The following MYOF variants were observed in gnomAD, a reference collection of about 807,000 sequenced individuals.
MYOF encodes the protein myoferlin.
A neutral mutation model predicts 284.2 loss-of-function variants in MYOF; 244 were observed. That is an observed-to-expected ratio of 0.86 (90% CI 0.77 to 0.95). The LOEUF is 0.95. Ranked by LOEUF, MYOF falls within the 40% of genes least tolerant of loss-of-function variation. The probability of loss-of-function intolerance (pLI) is 0.00; values close to 1 mark genes in which losing one functional copy is unlikely to be tolerated. For missense variants in MYOF, 2,496 were observed against 2,560.6 expected (o/e 0.97, Z 0.54); for synonymous variants, 904 against 919.7 (o/e 0.98, Z 0.31).
At chr10:93,350,040 C>T (rs1207436221) in intron 35 of MYOF, 71 bp from the exon 36 acceptor site, 1 of 1,448,104 alleles carries the variant, frequency 6.9e-7, no homozygotes, top group Admixed American at 2.1e-5. Context: ...AGGAAAAATT[C>T]TGTCTTAATT....
intron 26 of MYOF, 80 bp from the exon 27 acceptor site, chr10:93,364,155 A>C (rs1373480007): frequency 8.5e-7 from 1 of 1,182,500 alleles, no homozygotes; most frequent in Non-Finnish European, 1.2e-6. Flanking sequence ...CTCAGGAAGC[A>C]TCTACACCCT....
Position 93,373,056 on chromosome 10 carries a change from G to T in MYOF, c.2331C>A (p.Ile777=). The T allele has an allele frequency of 1.1e-5, 18 of 1,614,190 alleles. No individual in the cohort carries two copies. Among genetic ancestry groups the T allele is most frequent in the Non-Finnish European group, 1.5e-5 (18 of 1,180,018 alleles). The change falls in exon 24 of 54, where the codon ATC becomes ATA. Residue 777 remains isoleucine (I), a synonymous_variant. Transcript: ENST00000359263. ...EPQNSMPDII[I]WMIRGEKRLA... ...GTCTCTTCTCTCCCCGGATCATCCAGATGATGATGTCAGGCATGCTGTTCT... is the reference window on the plus strand; with the variant it reads ...GTCTCTTCTCTCCCCGGATCATCCATATGATGATGTCAGGCATGCTGTTCT...
chr10:93,431,751 T>C (rs972261619), intron 3 of MYOF, among the ~76,000 whole-genome samples: 60 of 149,930 alleles, frequency 4.0e-4, no homozygotes, highest in Non-Finnish European at 2.8e-4. Context: ...CTTTTCTTTT[T>C]TTTTTTTTTT....
intron 5 of MYOF, among the ~76,000 whole-genome samples, chr10:93,421,180 G>A (rs1848341828): frequency 6.6e-6 from 1 of 152,128 alleles, no homozygotes; most frequent in African/African-American, 2.4e-5. Context: ...TTACTCCACT[G>A]CGTTCCAGCC....
rs571900002 is a variant in MYOF, at chr10:93,423,581, C to T, written c.433+2490G>A. On this transcript the variant is annotated intron_variant, in intron 5 of 53. Coordinates refer to ENST00000359263, the MANE Select transcript of MYOF (RefSeq NM_013451.4). ...GAGTGCAGTGGTTTACGCCTGTAAT[C>T]CCAGCACTTTGGGAGGCCAAGGTGG... is the stretch of plus-strand genomic sequence containing the variant. 9.7e-5 allele frequency among the ~76,000 whole-genome samples: 14 copies of T among 144,420 alleles called. No homozygotes were observed. In the East Asian group the frequency reaches 2.6e-3, roughly 27 times the overall value. The allele number at this position is 144,420 out of a possible 152,430, so 94.7% of individuals were successfully genotyped here. A position where few individuals can be genotyped will look rare whatever the true frequency, so the allele number is the denominator to read the frequency against.
chr10:93,478,609 T>C (rs2057317421), intron 1 of MYOF, among the ~76,000 whole-genome samples: 2 of 151,590 alleles, frequency 1.3e-5, no homozygotes, highest in African/African-American at 4.9e-5. Context: ...GCCAGGAGGA[T>C]TGCTTGAGCC....
intron 13 of MYOF, 41 bp downstream of exon 13, chr10:93,399,351 A>G: frequency 2.1e-6 from 3 of 1,447,286 alleles, no homozygotes; most frequent in Non-Finnish European, 2.9e-6. Context: ...AGTTTTAGAT[A>G]TTTATTACTA....
intron 3 of MYOF, among the ~76,000 whole-genome samples, chr10:93,438,620 GA>G (rs1184972948): frequency 6.6e-6 from 1 of 152,090 alleles, no homozygotes; most frequent in Non-Finnish European, 1.5e-5. Flanking sequence ...GGAAGTCCGA[GA>G]AACAATGGTC....
chr10:93,442,934 G>A (rs544618798), intron 3 of MYOF, among the ~76,000 whole-genome samples: 5 of 152,250 alleles, frequency 3.3e-5, no homozygotes, highest in Admixed American at 6.5e-5. Context: ...CGAGGGGGGC[G>A]GGTCACATGA....
chr10:93,380,077 T>A (rs1476579358), intron 20 of MYOF, 90 bp from the exon 21 acceptor site: 1 of 1,494,142 alleles, frequency 6.7e-7, no homozygotes, highest in Non-Finnish European at 9.1e-7. Context: ...AGCTGCTGAT[T>A]AATCCACAGG....
chr10:93,387,631 G>C (rs966782470), intron 19 of MYOF, among the ~76,000 whole-genome samples, 166 bp downstream of exon 19: 5 of 152,144 alleles, frequency 3.3e-5, no homozygotes, highest in Non-Finnish European at 5.9e-5. Context: ...TTTCAATAGG[G>C]TATTAACATC....
chr10:93,456,960 G>A, intron 1 of MYOF, 23 bp from the exon 2 acceptor site: 3 of 1,563,016 alleles, frequency 1.9e-6, no homozygotes, highest in Non-Finnish European at 1.7e-6. Context: ...TAAAGGAAGA[G>A]ACAGCAATCA....
At position 93,343,863 on chromosome 10, in the gene MYOF, G is replaced by A. The variant is rs779986878; in HGVS notation, c.4319C>T (p.Ala1440Val). Residue 1440 changes from alanine (A) to valine (V), a missense_variant, in exon 38 of 54, where the codon GCT (alanine) becomes GTT (valine). Ala to Val is a moderately conservative substitution (Grantham distance 64). Around this residue, in one of 3 missense-constraint regions of MYOF, gnomAD observed 2,436 missense variants for 2,480.7 expected, o/e 0.98. Transcript: ENST00000359263. ...ATCAGCTCTGAAGCCTACCTTAGAAGCCAGTAATGGTTTGGTGTCTTCCAT... is the reference window on the plus strand; with the variant it reads ...ATCAGCTCTGAAGCCTACCTTAGAAACCAGTAATGGTTTGGTGTCTTCCAT... ...IEMEDTKPLL[A>V]SKLTEKEEEI... 4.3e-6 allele frequency: 7 copies of A among 1,614,180 alleles called. No homozygotes were observed. The South Asian group carries it at 7.7e-5, about 18-fold the overall frequency.
chr10:93,362,752 T>G (rs143638594), intron 27 of MYOF, among the ~76,000 whole-genome samples: 2,282 of 152,174 alleles, frequency 0.015, 65 homozygotes, highest in African/African-American at 0.052. Flanking sequence ...GAGTGAAAAT[T>G]GAAATAACAG....
intron 17 of MYOF, 37 bp from the exon 18 acceptor site, chr10:93,389,191 T>C (rs1045226901): frequency 1.9e-6 from 3 of 1,593,062 alleles, no homozygotes; most frequent in African/African-American, 1.4e-5. Flanking sequence ...GTTAGGCTTT[T>C]AACATTCAAT....
At chr10:93,322,843 GAAAT>G in intron 48 of MYOF, among the ~76,000 whole-genome samples, 1 of 152,228 alleles carries the variant, frequency 6.6e-6, no homozygotes, top group African/African-American at 2.4e-5. Flanking sequence ...AGGAAACAAA[GAAAT>G]ATTTATCAGT....
chr10:93,389,761 G>A (rs969683557), intron 17 of MYOF, among the ~76,000 whole-genome samples: 1 of 151,956 alleles, frequency 6.6e-6, no homozygotes. Flanking sequence ...TTTGCTACCT[G>A]GTCTTAGCAA....
intron 3 of MYOF, among the ~76,000 whole-genome samples, chr10:93,451,817 T>G (rs1257336581): frequency 6.6e-6 from 1 of 152,200 alleles, no homozygotes; most frequent in East Asian, 1.9e-4. Context: ...GATAAACTAG[T>G]CTAGGTGGCT....
At chr10:93,384,406 G>C (rs1329749683) in intron 19 of MYOF, among the ~76,000 whole-genome samples, 1 of 152,350 alleles carries the variant, frequency 6.6e-6, no homozygotes, top group African/African-American at 2.4e-5. Context: ...TTGGGAGGCC[G>C]AGGCTGGCGG....
Sources: allele counts gnomAD v4.1 joint callset (sites outside exome capture counted in the v4.1 genomes callset), GRCh38; gene constraint gnomAD v4.1.1; regional missense constraint gnomAD v4.1.1; transcripts MANE v1.5; gene names NCBI Gene and HGNC (gene_info 2026-07-23, HGNC 2026-07-21).